The following SLCO1B1 variants were observed in gnomAD, a reference collection of about 807,000 sequenced individuals.
SLCO1B1 encodes OATP-2.
In SLCO1B1, 81 loss-of-function variants were observed where a neutral mutation model predicts 70.1. The ratio of observed to expected loss-of-function variants is 1.16; its 90% CI spans 0.97 to 1.39. The LOEUF (loss-of-function observed/expected upper bound fraction) is 1.39. Among genes scored for constraint, SLCO1B1 ranks in the 40% most tolerant of loss-of-function variants. The pLI is 0.00. For synonymous variants in SLCO1B1, 283 were observed against 271.5 expected, an observed-to-expected ratio of 1.04 and a Z score of -0.42; for missense variants, 895 against 799.6, an observed-to-expected ratio of 1.12 and a Z score of -1.44.
chr12:21,239,791 T>C lies in SLCO1B1; in HGVS notation c.*602T>C, dbSNP rs934111277. 6.6e-5 allele frequency among the ~76,000 whole-genome samples: 10 copies of C among 152,210 alleles called. No homozygotes were observed. The highest frequency in any genetic ancestry group is 2.4e-4 in the African/African-American group (10 of 41,460). On this transcript the variant is annotated 3_prime_UTR_variant, in exon 15 of 15. Transcript: ENST00000256958. Reference sequence around the variant, plus strand: ...GGAAGAAATAAAGACATTCCAATATTTGCAAGCTGTGATTGTCAAACAACA... The same window carrying C: ...GGAAGAAATAAAGACATTCCAATATCTGCAAGCTGTGATTGTCAAACAACA...
chr12:21,216,386 C>T lies in SLCO1B1; in HGVS notation c.1498-733C>T, dbSNP rs778768824. Among the ~76,000 whole-genome samples the T allele has an allele frequency of 3.9e-5, 6 of 152,228 alleles. No individual in the cohort carries two copies. In the South Asian group the frequency reaches 6.2e-4, roughly 16 times the overall value. On this transcript the variant is annotated intron_variant, in intron 11 of 14. Coordinates refer to ENST00000256958, the MANE Select transcript of SLCO1B1 (RefSeq NM_006446.5). ...TGATCTTTAGCATTAATAGATTCAA[C>T]GTGAGGTTCCCTTAAACTTTAGCCT...
chr12:21,141,473 T>C (rs547045124), intron 1 of SLCO1B1, 41 bp from the exon 2 acceptor site: 34 of 656,498 alleles, frequency 5.2e-5, no homozygotes, highest in South Asian at 4.8e-4. Flanking sequence ...AAATTATATA[T>C]TGTAAAAATA....
At chr12:21,210,227 G>A (rs375000278) in intron 11 of SLCO1B1, among the ~76,000 whole-genome samples, 2 of 133,096 alleles carry the variant, frequency 1.5e-5, no homozygotes, top group African/African-American at 5.7e-5. Context: ...ATCTTGAATT[G>A]ATTTTTGTAT....
In SLCO1B1 at chr12:21,224,512, T is replaced by A. The variant is rs372387381; in HGVS notation, c.1748-210T>A. Among the ~76,000 whole-genome samples the A allele has an allele frequency of 1.3e-3, 193 of 152,142 alleles. 3 individuals are homozygous for A. The South Asian group carries it at 0.039, about 31-fold the overall frequency. On this transcript the variant is annotated intron_variant, in intron 13 of 14. Coordinates refer to ENST00000256958, the MANE Select transcript of SLCO1B1 (RefSeq NM_006446.5). ...TGCATGTATGTAGGGAGGGTACGAG[T>A]AGGTAAAAGGTGTCAATGACATTAC...
chr12:21,135,132 A>G (rs1940199417), intron 1 of SLCO1B1, among the ~76,000 whole-genome samples: 1 of 152,148 alleles, frequency 6.6e-6, no homozygotes. Context: ...GTTTCCATGC[A>G]GTTGAGCAGT....
intron 11 of SLCO1B1, among the ~76,000 whole-genome samples, chr12:21,214,788 G>A (rs184331805): frequency 3.9e-5 from 6 of 152,284 alleles, no homozygotes; most frequent in Admixed American, 2.0e-4. Flanking sequence ...TAAGCCCCTC[G>A]GAAAAGCGCA....
intron 7 of SLCO1B1, among the ~76,000 whole-genome samples, chr12:21,185,956 T>G (rs907406512): frequency 5.9e-5 from 9 of 151,782 alleles, no homozygotes; most frequent in Admixed American, 5.3e-4. Flanking sequence ...CTAGAGGAAG[T>G]AGAGTCATTC....
chr12:21,140,362 T>G (rs1385469034), intron 1 of SLCO1B1, among the ~76,000 whole-genome samples: 3 of 152,070 alleles, frequency 2.0e-5, no homozygotes, highest in Non-Finnish European at 4.4e-5. Flanking sequence ...AATGTATTTC[T>G]AAAACTCCAT....
At chr12:21,185,192 T>C (rs377148883) in intron 7 of SLCO1B1, among the ~76,000 whole-genome samples, 102 of 148,148 alleles carry the variant, frequency 6.9e-4, no homozygotes, top group Non-Finnish European at 1.4e-3. Flanking sequence ...TCACTGACAG[T>C]GTTAGATATC....
At chr12:21,226,613 ATAT>A (rs1941484857) in intron 14 of SLCO1B1, among the ~76,000 whole-genome samples, 1 of 152,014 alleles carries the variant, frequency 6.6e-6, no homozygotes, top group South Asian at 2.1e-4. Flanking sequence ...ATTTTATATG[ATAT>A]TATCATGTTG....
chr12:21,172,611 G>A (rs193253153), intron 2 of SLCO1B1, 39 bp from the exon 3 acceptor site: 52 of 1,610,298 alleles, frequency 3.2e-5, no homozygotes, highest in East Asian at 1.3e-4. Flanking sequence ...ATAGTCCTTC[G>A]ATTAACCATT....
intron 2 of SLCO1B1, among the ~76,000 whole-genome samples, chr12:21,149,782 G>T (rs1940442130): frequency 6.6e-6 from 1 of 152,162 alleles, no homozygotes; most frequent in South Asian, 2.1e-4. Context: ...GGCTGTTTGG[G>T]CAGACACTGA....
chr12:21,227,476 A>G (rs1184706860), intron 14 of SLCO1B1, among the ~76,000 whole-genome samples: 1 of 152,164 alleles, frequency 6.6e-6, no homozygotes, highest in Non-Finnish European at 1.5e-5. Flanking sequence ...TAAATTCACT[A>G]TCTAAAATCC....
chr12:21,132,586 GTGA>G (rs1214052765), intron 1 of SLCO1B1, among the ~76,000 whole-genome samples: 2 of 152,208 alleles, frequency 1.3e-5, no homozygotes, highest in Non-Finnish European at 2.9e-5. Flanking sequence ...CTGATGGCCA[GTGA>G]TGATGAGCAT....
intron 2 of SLCO1B1, among the ~76,000 whole-genome samples, chr12:21,142,346 C>G (rs1427911404): frequency 6.6e-6 from 1 of 151,774 alleles, no homozygotes; most frequent in Non-Finnish European, 1.5e-5. Context: ...AAATGAGAAG[C>G]CAAGACTCAG....
chr12:21,192,850 G>T (rs1004599744), intron 7 of SLCO1B1, among the ~76,000 whole-genome samples: 1 of 151,850 alleles, frequency 6.6e-6, no homozygotes. Context: ...ATTTTTTACT[G>T]AACACTTCCT....
intron 11 of SLCO1B1, among the ~76,000 whole-genome samples, chr12:21,209,701 C>A (rs1254538778): frequency 6.0e-5 from 9 of 151,244 alleles, no homozygotes; most frequent in African/African-American, 2.2e-4. Context: ...CCTATTTCTC[C>A]ACATCCTCTC....
At chr12:21,215,485 G>A (rs1400481902) in intron 11 of SLCO1B1, among the ~76,000 whole-genome samples, 2 of 152,104 alleles carry the variant, frequency 1.3e-5, no homozygotes, top group Non-Finnish European at 2.9e-5. Context: ...CACATTTATT[G>A]ATTGTGTATA....
At position 21,157,225 on chromosome 12, in the gene SLCO1B1, C is replaced by A. The variant is rs113846922; in HGVS notation, c.85-15425C>A. ...TGGCCCAGATCTGACTTTAAAGTAC[C>A]TTCACTTTTATTGTATCACATACGA... On this transcript the variant is annotated intron_variant, in intron 2 of 14. Transcript: ENST00000256958. Among the ~76,000 whole-genome samples the A allele has an allele frequency of 9.2e-5, 14 of 152,148 alleles. 1 individual carries two copies. The highest frequency in any genetic ancestry group is 3.3e-4 in the Admixed American group (5 of 15,266).
Sources: allele counts gnomAD v4.1 joint callset (sites outside exome capture counted in the v4.1 genomes callset), GRCh38; gene constraint gnomAD v4.1.1; transcripts MANE v1.5; gene names NCBI Gene and HGNC (gene_info 2026-07-23, HGNC 2026-07-21).